The following PTPRD variants were observed in gnomAD, a reference collection of about 807,000 sequenced individuals.
PTPRD encodes receptor-type tyrosine-protein phosphatase delta.
Under a neutral mutation model 214.5 loss-of-function variants are expected in PTPRD, and 34 were observed. That is an observed-to-expected ratio of 0.16 (90% CI 0.12 to 0.21). The LOEUF is 0.21. Among genes scored for constraint, PTPRD ranks in the 10% least tolerant of loss-of-function variants. The pLI, the probability that PTPRD is intolerant of heterozygous loss-of-function variation, is 1.00. For missense variants in PTPRD, 2,545 were observed against 2,398.7 expected (o/e 1.06, Z -1.27); for synonymous variants, 1,128 against 845.7 (o/e 1.33, Z -5.79).
In PTPRD at chr9:9,888,125, C is replaced by T. The variant is rs114481873; in HGVS notation, c.-368+50382G>A. Among the ~76,000 whole-genome samples the T allele has an allele frequency of 7.3e-3, 1,113 of 152,244 alleles. 15 individuals carry two copies. The highest frequency in any genetic ancestry group is 0.025 in the African/African-American group (1,039 of 41,564). Reference sequence around the variant, plus strand: ...TCTCCCTTCAGTCCTAAGGGAAGATCAAATCTCTCACCAGTTCTTCACTTT... The same window carrying T: ...TCTCCCTTCAGTCCTAAGGGAAGATTAAATCTCTCACCAGTTCTTCACTTT... On this transcript the variant is annotated intron_variant, in intron 5 of 45. Transcript: ENST00000381196.
At chr9:9,968,039 G>A (rs1387858883) in intron 4 of PTPRD, among the ~76,000 whole-genome samples, 2 of 152,110 alleles carry the variant, frequency 1.3e-5, no homozygotes, top group Admixed American at 6.6e-5. Flanking sequence ...GTTCTCTCAC[G>A]CATATCATAA....
intron 10 of PTPRD, among the ~76,000 whole-genome samples, chr9:9,056,315 C>G (rs1273338632): frequency 6.6e-6 from 1 of 152,096 alleles, no homozygotes; most frequent in Non-Finnish European, 1.5e-5. Context: ...GTACATAAAA[C>G]ATCTTAACCT....
chr9:10,553,985 C>T (rs955073642), intron 2 of PTPRD, among the ~76,000 whole-genome samples: 2 of 151,920 alleles, frequency 1.3e-5, no homozygotes, highest in African/African-American at 4.8e-5. Flanking sequence ...CTTTAATATC[C>T]CCTTTATTAT....
chr9:9,138,721 A>C (rs1284482764), intron 10 of PTPRD, among the ~76,000 whole-genome samples: 1 of 152,182 alleles, frequency 6.6e-6, no homozygotes, highest in Non-Finnish European at 1.5e-5. Context: ...TACACATTTT[A>C]ATTCAGAACT....
chr9:8,491,655 AT>A (rs976076285), intron 27 of PTPRD, among the ~76,000 whole-genome samples: 2 of 134,410 alleles, frequency 1.5e-5, no homozygotes, highest in Non-Finnish European at 3.1e-5. Flanking sequence ...ATACAATGGT[AT>A]TTAAAAAAAA....
At chr9:8,575,371 C>T (rs776908888) in intron 14 of PTPRD, among the ~76,000 whole-genome samples, 5 of 152,124 alleles carry the variant, frequency 3.3e-5, no homozygotes, top group African/African-American at 4.8e-5. Context: ...ATAGAAAAAG[C>T]AGCAATTTAA....
intron 4 of PTPRD, among the ~76,000 whole-genome samples, chr9:10,002,049 A>C (rs1389333182): frequency 2.6e-5 from 4 of 151,976 alleles, no homozygotes; most frequent in African/African-American, 9.7e-5. Flanking sequence ...AAGGAGCTAC[A>C]TTGGAGCAAT....
At chr9:8,943,416 T>C (rs1420719368) in intron 11 of PTPRD, among the ~76,000 whole-genome samples, 1 of 151,766 alleles carries the variant, frequency 6.6e-6, no homozygotes, top group African/African-American at 2.4e-5. Flanking sequence ...GGTTCTGAGA[T>C]AAAAAGAGAC....
chr9:10,303,630 A>G (rs972065915), intron 3 of PTPRD, among the ~76,000 whole-genome samples: 1 of 152,214 alleles, frequency 6.6e-6, no homozygotes, highest in Non-Finnish European at 1.5e-5. Context: ...GAATACTATA[A>G]TCATCTGTAG....
At chr9:9,209,816 G>A (rs1353693857) in intron 9 of PTPRD, among the ~76,000 whole-genome samples, 1 of 152,098 alleles carries the variant, frequency 6.6e-6, no homozygotes, top group Non-Finnish European at 1.5e-5. Context: ...CAATTAGTAA[G>A]TTAGCCTACC....
chr9:8,775,101 T>A (rs1204523325), intron 11 of PTPRD, among the ~76,000 whole-genome samples: 1 of 152,130 alleles, frequency 6.6e-6, no homozygotes, highest in Non-Finnish European at 1.5e-5. Context: ...GGTACTAACA[T>A]CTTTGGAATG....
At chr9:8,591,795 C>A (rs1296095561) in intron 14 of PTPRD, among the ~76,000 whole-genome samples, 1 of 152,090 alleles carries the variant, frequency 6.6e-6, no homozygotes, top group Non-Finnish European at 1.5e-5. Flanking sequence ...GGATACAAGA[C>A]TAAATCAAGC....
At chr9:9,724,248 G>A (rs747599438) in intron 7 of PTPRD, among the ~76,000 whole-genome samples, 1 of 152,068 alleles carries the variant, frequency 6.6e-6, no homozygotes, top group Non-Finnish European at 1.5e-5. Flanking sequence ...TTTAAAGGTT[G>A]CATCCAAAGT....
intron 3 of PTPRD, among the ~76,000 whole-genome samples, chr9:10,134,206 C>A (rs546421752): frequency 2.6e-5 from 4 of 152,190 alleles, no homozygotes; most frequent in African/African-American, 9.6e-5. Context: ...GCAAAGAGGA[C>A]CAGTGGGTCT....
chr9:9,586,962 G>A (rs1481833959), intron 7 of PTPRD, among the ~76,000 whole-genome samples: 1 of 151,928 alleles, frequency 6.6e-6, no homozygotes, highest in African/African-American at 2.4e-5. Context: ...TCAGATACTG[G>A]AGAGCATAAG....
At chr9:10,289,698 A>C (rs557171136) in intron 3 of PTPRD, among the ~76,000 whole-genome samples, 6 of 152,338 alleles carry the variant, frequency 3.9e-5, no homozygotes, top group African/African-American at 1.4e-4. Context: ...ACAAAGGGCT[A>C]AATAGGAAAT....
Position 9,812,192 on chromosome 9 carries a change from C to T in PTPRD, c.-367-45341G>A, listed in dbSNP as rs114017901. On this transcript the variant is annotated intron_variant, in intron 5 of 45. Transcript: ENST00000381196. ...TTCATAGACCACAGTATAGTATAAA[C>T]GTAACTTTTATATTTATGGGAAACC... Among the ~76,000 whole-genome samples the T allele has an allele frequency of 4.7e-3, 721 of 152,102 alleles. 6 individuals carry two copies. Among genetic ancestry groups the T allele is most frequent in the African/African-American group, 0.016 (672 of 41,478 alleles).
chr9:9,249,082 A>T (rs4255196), intron 9 of PTPRD, among the ~76,000 whole-genome samples: 113,463 of 151,880 alleles, frequency 0.75, 42,654 homozygotes, highest in Non-Finnish European at 0.77. Context: ...GTGTTTGGGT[A>T]GTGGGGGCAG....
rs560261333 is a variant in PTPRD, at chr9:10,542,548, GAATT to G, written c.-600+69846_-600+69849del. 9.1e-4 allele frequency among the ~76,000 whole-genome samples: 134 copies of G among 147,740 alleles called. 2 individuals are homozygous for G. Among genetic ancestry groups the G allele is most frequent in the African/African-American group, 3.0e-3 (120 of 40,244 alleles). ...AATACCTAGTGATGTTGTCTTATTA[GAATT>G]AATTAATTGTTATTATTTCACCTTA... On this transcript the variant is annotated intron_variant, in intron 2 of 45. Transcript: ENST00000381196.
Sources: gnomAD v4.1 joint callset for allele counts (sites outside exome capture counted in the v4.1 genomes callset) on GRCh38, gnomAD v4.1.1 for gene constraint, MANE v1.5 for transcripts, NCBI Gene and HGNC (gene_info 2026-07-23, HGNC 2026-07-21) for gene names.